The following SLIT1 variants were observed in gnomAD, a reference collection of about 807,000 sequenced individuals.
SLIT1 encodes slit homolog 1 protein.
Under a neutral mutation model 186.1 loss-of-function variants are expected in SLIT1, and 66 were observed. That is an observed-to-expected ratio of 0.35 (90% confidence interval 0.29 to 0.44). The LOEUF (loss-of-function observed/expected upper bound fraction) is 0.44, where lower values mean the gene tolerates loss of function less well. Among genes scored for constraint, SLIT1 ranks in the 20% least tolerant of loss-of-function variants. The probability of loss-of-function intolerance (pLI) is 1.00; values close to 1 mark genes in which losing one functional copy is unlikely to be tolerated. For missense variants in SLIT1, 1,638 were observed against 2,037.4 expected (o/e 0.80, Z 3.77); for synonymous variants, 761 against 833.8 (o/e 0.91, Z 1.50).
chr10:97,057,818 TA>T, intron 11 of SLIT1: 1 of 557,892 alleles, frequency 1.8e-6, no homozygotes, highest in Non-Finnish European at 3.3e-6. Flanking sequence ...ATAGGTTTTT[TA>T]AAAAAACAAA....
intron 3 of SLIT1, among the ~76,000 whole-genome samples, chr10:97,158,114 C>G (rs567381941): frequency 6.6e-6 from 1 of 152,260 alleles, no homozygotes; most frequent in East Asian, 1.9e-4. Flanking sequence ...AGAGTGTCTG[C>G]GGAAGCCCCT....
In SLIT1 at chr10:97,157,818, A is replaced by G. The variant is rs759825323; in HGVS notation, c.413T>C (p.Leu138Pro). 1 of 1,612,406 alleles carries G rather than the reference A, an allele frequency of 6.2e-7. No homozygotes were observed. Residue 138 changes from leucine (L) to proline (P), a missense_variant and splice_region_variant, in exon 4 of 37, where the codon CTG (leucine) becomes CCG (proline). Coordinates refer to ENST00000266058, the MANE Select transcript of SLIT1 (RefSeq NM_003061.3). ...LFQNNQALSR[L>P]DLSENAIQAI... is the part of the protein sequence containing the mutation. ...TCTCTGGCCACAGAGCGTCACTCAC[A>G]GTCTTGACAAAGCCTGGTTGTTCTG...
In SLIT1 at chr10:97,006,711, G is replaced by A. The variant is rs972170675; in HGVS notation, c.3351C>T (p.Leu1117=). ...CLCAEGYSGQ[L]CEIPPHLPAP... ...CAGGCAGATGGGGAGGGATCTCACA[G>A]AGCTGTCCACTGAGAGGAAAGGACA... Residue 1117 remains leucine (L), a synonymous_variant, in exon 32 of 37, where the codon CTC becomes CTT. Coordinates refer to ENST00000266058, the MANE Select transcript of SLIT1 (RefSeq NM_003061.3). The surrounding 1 kb of genome is among the most constrained non-coding windows in gnomAD (Gnocchi z 4.0). 4 of 1,613,198 alleles carry A rather than the reference G, an allele frequency of 2.5e-6. No homozygotes were observed. The highest frequency in any genetic ancestry group is 3.4e-6 in the Non-Finnish European group (4 of 1,179,296).
At position 97,011,139 on chromosome 10, in the gene SLIT1, T is replaced by TG. The variant is rs769097187; in HGVS notation, c.3204-10dup. ...CTGGCATGCACTCACACCTAGTGGGTGGGGGGCAGGGGTAGTTGGGGGGTC... is the reference window on the plus strand; with the variant it reads ...CTGGCATGCACTCACACCTAGTGGGTGGGGGGGCAGGGGTAGTTGGGGGGTC... On this transcript the variant is annotated splice_polypyrimidine_tract_variant and intron_variant, in intron 30 of 36. Transcript: ENST00000266058. 1.9e-6 allele frequency: 3 copies of TG among 1,610,246 alleles called. No individual in the cohort carries two copies. Among genetic ancestry groups the TG allele is most frequent in the South Asian group, 1.1e-5 (1 of 90,924 alleles).
At chr10:97,086,025 C>G (rs1040149305) in intron 4 of SLIT1, among the ~76,000 whole-genome samples, 3 of 152,212 alleles carry the variant, frequency 2.0e-5, no homozygotes, top group African/African-American at 4.8e-5. Context: ...AATGGTACAG[C>G]CACTTCAGAA....
intron 32 of SLIT1, among the ~76,000 whole-genome samples, chr10:97,005,409 C>T (rs1270422966): frequency 6.6e-6 from 1 of 152,224 alleles, no homozygotes; most frequent in Non-Finnish European, 1.5e-5. Flanking sequence ...GTCCTGCTCC[C>T]TCCGTTTCTT....
intron 4 of SLIT1, among the ~76,000 whole-genome samples, chr10:97,086,592 AAGGAAAGGAAAGGAC>A (rs1849162485): frequency 6.6e-6 from 1 of 152,192 alleles, no homozygotes; most frequent in Non-Finnish European, 1.5e-5. Context: ...AAAAAAAAGA[AAGGAAAGGAAAGGAC>A]TATCAAGTCA....
intron 1 of SLIT1, among the ~76,000 whole-genome samples, chr10:97,166,471 G>A (rs1036449607): frequency 4.0e-5 from 6 of 149,664 alleles, no homozygotes; most frequent in South Asian, 4.2e-4. Flanking sequence ...AGCCAGGACC[G>A]TGCCATTGCA....
Position 97,043,199 on chromosome 10 carries a change from A to G in SLIT1, c.1998-132T>C. On this transcript the variant is annotated intron_variant, in intron 19 of 36. Transcript: ENST00000266058. The surrounding 1 kb of genome is among the most constrained non-coding windows in gnomAD (Gnocchi z 7.0). The stretch of plus-strand genomic sequence containing the variant: ...GTCTCCCAGACCACCACCCATCACC[A>G]AGAGGACCGGCTCTGAGGACCGGAG... 1 of 1,318,744 alleles carries G rather than the reference A, an allele frequency of 7.6e-7. No homozygotes were observed. The highest frequency in any genetic ancestry group is 1.1e-6 in the Non-Finnish European group (1 of 944,760). 81.7% of individuals were successfully genotyped at this position (1,318,744 alleles called of 1,614,324 possible).
Position 97,046,644 on chromosome 10 carries a change from G to C in SLIT1, c.1853+10C>G, listed in dbSNP as rs1848736113. 6.2e-7 allele frequency: 1 copy of C among 1,601,240 alleles called. No homozygotes were observed. Among genetic ancestry groups the C allele is most frequent in the Non-Finnish European group, 8.5e-7 (1 of 1,177,420 alleles). On this transcript the variant is annotated intron_variant, in intron 18 of 36. Coordinates refer to ENST00000266058, the MANE Select transcript of SLIT1 (RefSeq NM_003061.3). ...CTGGCCCACCCTGCTCCCCAGCCCT[G>C]CACACTCACAGGGTCCTCAAGCCAT... is the stretch of plus-strand genomic sequence containing the variant.
chr10:97,132,542 G>C (rs1308033111), intron 4 of SLIT1, among the ~76,000 whole-genome samples: 2 of 152,144 alleles, frequency 1.3e-5, no homozygotes. Flanking sequence ...TCCCATCCCA[G>C]GTTGCCAACC....
chr10:97,104,456 C>T (rs904535710), intron 4 of SLIT1, among the ~76,000 whole-genome samples: 2 of 152,076 alleles, frequency 1.3e-5, no homozygotes, highest in Non-Finnish European at 2.9e-5. Context: ...ACATGCCTTG[C>T]ATGTAGTAAG....
At chr10:97,163,125 G>A (rs1247598345) in intron 3 of SLIT1, among the ~76,000 whole-genome samples, 4 of 152,142 alleles carry the variant, frequency 2.6e-5, no homozygotes, top group Non-Finnish European at 5.9e-5. Context: ...TTGCCATCCC[G>A]TATCTTCAGG....
chr10:97,063,285 GGGGTCAGGAGGTGATGGGCA>G (rs1209927141), intron 8 of SLIT1, among the ~76,000 whole-genome samples, 150 bp downstream of exon 8: 6 of 151,920 alleles, frequency 3.9e-5, no homozygotes, highest in Admixed American at 2.0e-4. Context: ...GGCAGATAGT[GGGGTCAGGAGGTGATGGGCA>G]GGGTCAGGAG....
intron 4 of SLIT1, among the ~76,000 whole-genome samples, chr10:97,108,450 C>T (rs1287484662): frequency 6.6e-6 from 1 of 152,224 alleles, no homozygotes; most frequent in East Asian, 1.9e-4. Flanking sequence ...TTTTCCTCCA[C>T]CAAATCGAGA....
At chr10:97,057,864 C>A in intron 11 of SLIT1, 1 of 649,534 alleles carries the variant, frequency 1.5e-6, no homozygotes, top group Non-Finnish European at 2.9e-6. Context: ...TGGGTGGGTT[C>A]AGGAGGACAG....
chr10:97,095,334 T>C (rs971726521), intron 4 of SLIT1, among the ~76,000 whole-genome samples: 1 of 152,202 alleles, frequency 6.6e-6, no homozygotes, highest in Non-Finnish European at 1.5e-5. Context: ...CATCCATGCT[T>C]TCCAGCCAGA....
At chr10:97,037,041 AC>A (rs1289157564) in intron 22 of SLIT1, among the ~76,000 whole-genome samples, 2 of 124,334 alleles carry the variant, frequency 1.6e-5, no homozygotes, top group African/African-American at 6.3e-5. Flanking sequence ...TGCAAGAATA[AC>A]CCCCTTTGTG....
Position 97,043,688 on chromosome 10 carries a change from AC to A in SLIT1, c.1854-176del, listed in dbSNP as rs1382864486. Among the ~76,000 whole-genome samples, 1 of 151,070 alleles carries A rather than the reference AC, an allele frequency of 6.6e-6. No individual in the cohort carries two copies. The highest frequency in any genetic ancestry group is 1.5e-5 in the Non-Finnish European group (1 of 67,732). ...CGGCCAGGTGAGGCGAGTTTTACAC[AC>A]CTGTGCCCACTCCAGACCCGCCCCC... On this transcript the variant is annotated intron_variant, in intron 18 of 36. Coordinates refer to ENST00000266058, the MANE Select transcript of SLIT1 (RefSeq NM_003061.3). The surrounding 1 kb of genome is among the most constrained non-coding windows in gnomAD (Gnocchi z 7.0).
Sources: allele counts gnomAD v4.1 joint callset (sites outside exome capture counted in the v4.1 genomes callset), GRCh38; gene constraint gnomAD v4.1.1; non-coding constraint Gnocchi (gnomAD v3.1); transcripts MANE v1.5; gene names NCBI Gene and HGNC (gene_info 2026-07-23, HGNC 2026-07-21).